TASP1: variants seen among roughly 807,000 people sequenced by gnomAD.
The protein encoded by TASP1 is threonine aspartase 1.
Under a neutral mutation model 56.6 loss-of-function variants are expected in TASP1, and 16 were observed. The ratio of observed to expected loss-of-function variants is 0.28; its 90% CI spans 0.19 to 0.43. TASP1 has a LOEUF of 0.43. TASP1 is among the 20% of genes least tolerant of loss of function. The pLI is 1.00. For missense variants in TASP1, 393 were observed against 511.6 expected (o/e 0.77, Z 2.24); for synonymous variants, 179 against 184.2 (o/e 0.97, Z 0.23).
intron 11 of TASP1, among the ~76,000 whole-genome samples, chr20:13,441,392 C>G (rs1228769547): frequency 1.3e-5 from 2 of 152,108 alleles, no homozygotes; most frequent in Non-Finnish European, 2.9e-5. Context: ...GGAAATCCAC[C>G]CAATAGCAGT....
the TASP1 span, among the ~76,000 whole-genome samples, chr20:13,274,516 A>G: frequency 6.6e-6 from 1 of 152,082 alleles, no homozygotes; most frequent in East Asian, 1.9e-4. Flanking sequence ...CTGAATGGGA[A>G]CTTGATACCC....
At chr20:13,402,841 T>C (rs1316667400) in intron 13 of TASP1, among the ~76,000 whole-genome samples, 2 of 152,220 alleles carry the variant, frequency 1.3e-5, no homozygotes, top group African/African-American at 4.8e-5. Flanking sequence ...CTGTAGGTGT[T>C]CCACTGCCCA....
chr20:13,198,449 T>C, the TASP1 span, among the ~76,000 whole-genome samples: 5 of 152,150 alleles, frequency 3.3e-5, no homozygotes, highest in Admixed American at 2.6e-4. Context: ...TCCATCTTCA[T>C]GACCTAATTA....
intron 10 of TASP1, among the ~76,000 whole-genome samples, chr20:13,524,557 T>C (rs542367430): frequency 6.6e-6 from 1 of 152,278 alleles, no homozygotes; most frequent in East Asian, 1.9e-4. Context: ...GACACAAATA[T>C]ACCCACAGCC....
the TASP1 span, among the ~76,000 whole-genome samples, chr20:13,377,265 G>A: frequency 6.6e-6 from 1 of 152,296 alleles, no homozygotes; most frequent in South Asian, 2.1e-4. Flanking sequence ...CTAGTTTATT[G>A]AGGGTTTTTA....
At chr20:13,406,425 T>C (rs534416875) in intron 13 of TASP1, among the ~76,000 whole-genome samples, 2 of 152,342 alleles carry the variant, frequency 1.3e-5, no homozygotes, top group Middle Eastern at 3.4e-3. Context: ...AGAATAACTA[T>C]GGCTTTTACT....
chr20:13,285,709 AG>A, the TASP1 span, among the ~76,000 whole-genome samples: 12 of 152,250 alleles, frequency 7.9e-5, no homozygotes, highest in African/African-American at 2.9e-4. Flanking sequence ...ATTTGGAAAG[AG>A]GAATTATGGG....
the TASP1 span, among the ~76,000 whole-genome samples, chr20:13,256,213 T>C: frequency 6.6e-6 from 1 of 151,480 alleles, no homozygotes; most frequent in Non-Finnish European, 1.5e-5. Flanking sequence ...CTGGCCAACA[T>C]GGTGAAACCC....
At chr20:13,268,344 CTTCCTCT>C in the TASP1 span, among the ~76,000 whole-genome samples, 1 of 55,946 alleles carries the variant, frequency 1.8e-5, no homozygotes, top group Non-Finnish European at 3.7e-5. Context: ...TCTCCTTCTT[CTTCCTCT>C]CTCTCTCTCT....
intron 4 of TASP1, among the ~76,000 whole-genome samples, chr20:13,600,865 T>A (rs1365970093): frequency 6.6e-6 from 1 of 152,128 alleles, no homozygotes; most frequent in African/African-American, 2.4e-5. Context: ...CTATAAACAA[T>A]GATACTCCAA....
chr20:13,239,091 C>A, the TASP1 span: 8 of 152,140 alleles, frequency 5.3e-5, no homozygotes, highest in African/African-American at 1.9e-4. Flanking sequence ...GAATCCACAT[C>A]AACTAGAAAA....
At chr20:13,403,943 A>C (rs1183204492) in intron 13 of TASP1, among the ~76,000 whole-genome samples, 1 of 152,202 alleles carries the variant, frequency 6.6e-6, no homozygotes, top group Admixed American at 6.5e-5. Flanking sequence ...ACTTTCAAAA[A>C]ACAGAGGTAT....
chr20:13,446,305 G>A (rs2043409357), intron 11 of TASP1, among the ~76,000 whole-genome samples: 1 of 152,028 alleles, frequency 6.6e-6, no homozygotes, highest in African/African-American at 2.4e-5. Context: ...TAATGACCAG[G>A]TATGTTCATC....
the TASP1 span, among the ~76,000 whole-genome samples, chr20:13,271,281 A>G: frequency 6.6e-6 from 1 of 152,216 alleles, no homozygotes. Flanking sequence ...CATGACTTAC[A>G]AAACAATAAG....
intron 2 of TASP1, among the ~76,000 whole-genome samples, chr20:13,626,498 C>A (rs1334240013): frequency 6.6e-6 from 1 of 152,078 alleles, no homozygotes; most frequent in African/African-American, 2.4e-5. Flanking sequence ...CATCTCTAGG[C>A]CTTAGGATTC....
intron 11 of TASP1, among the ~76,000 whole-genome samples, chr20:13,469,676 A>G (rs979789890): frequency 6.0e-5 from 9 of 150,926 alleles, no homozygotes; most frequent in African/African-American, 2.2e-4. Flanking sequence ...GGAAATTGTG[A>G]TGGTTGTTTC....
chr20:13,484,795 C>G (rs1055513712), intron 10 of TASP1, among the ~76,000 whole-genome samples: 1 of 150,690 alleles, frequency 6.6e-6, no homozygotes, highest in African/African-American at 2.4e-5. Context: ...GAATACTACG[C>G]AGCCATAAAA....
At chr20:13,569,422 G>T in intron 7 of TASP1, 85 bp downstream of exon 7, 4 of 1,023,178 alleles carry the variant, frequency 3.9e-6, no homozygotes, top group South Asian at 1.5e-5. Context: ...ATAAATATCT[G>T]TACTACATGG....
At chr20:13,257,764 C>A in the TASP1 span, among the ~76,000 whole-genome samples, 1 of 150,772 alleles carries the variant, frequency 6.6e-6, no homozygotes, top group African/African-American at 2.4e-5. Flanking sequence ...AGTCAGGGAG[C>A]AGAGTTGAGA....
Sources: gnomAD v4.1 joint callset for allele counts (sites outside exome capture counted in the v4.1 genomes callset) on GRCh38, gnomAD v4.1.1 for gene constraint, MANE v1.5 for transcripts, NCBI Gene and HGNC (gene_info 2026-07-23, HGNC 2026-07-21) for gene names.